The following CUX1 variants were observed in gnomAD, a reference collection of about 807,000 sequenced individuals.
The protein encoded by CUX1 is protein CASP.
Under a neutral mutation model 158.8 loss-of-function variants are expected in CUX1, and 31 were observed. That is an observed-to-expected ratio of 0.20 (90% confidence interval 0.15 to 0.26). The LOEUF (loss-of-function observed/expected upper bound fraction) is 0.26. Among genes scored for constraint, CUX1 ranks in the 10% least tolerant of loss-of-function variants. The probability of loss-of-function intolerance (pLI) is 1.00; values close to 1 mark genes in which losing one functional copy is unlikely to be tolerated. For synonymous variants in CUX1, 879 were observed against 862.1 expected (o/e 1.02, Z -0.34); for missense variants, 1,589 against 2,014.6 (o/e 0.79, Z 4.04).
Position 102,076,398 on chromosome 7 carries a change from T to TA in CUX1, c.268+5991dup, listed in dbSNP as rs144025565. On this transcript the variant is annotated intron_variant, in intron 4 of 23. Transcript: ENST00000292535. Reference sequence around the variant, plus strand: ...AGACTGTCTAAAAAATAAATAAAATTAAAAAAAAAAGACACCAAATAAGCA... The same window carrying TA: ...AGACTGTCTAAAAAATAAATAAAATTAAAAAAAAAAAGACACCAAATAAGCA... Among the ~76,000 whole-genome samples the TA allele has an allele frequency of 3.5e-3, 521 of 148,040 alleles. 6 individuals are homozygous for TA. The highest frequency in any genetic ancestry group is 7.9e-3 in the African/African-American group (318 of 40,430).
chr7:101,850,421 C>CTTTTT (rs545679696), intron 1 of CUX1, among the ~76,000 whole-genome samples: 20 of 104,618 alleles, frequency 1.9e-4, no homozygotes, highest in South Asian at 6.2e-4. Context: ...TTCTTTCTTT[C>CTTTTT]TTTTTTTTTT....
At chr7:102,125,808 TGTTTTTATTTTA>T (rs1832571329) in intron 8 of CUX1, 1 of 148,284 alleles carries the variant, frequency 6.7e-6, no homozygotes, top group Non-Finnish European at 1.5e-5. Context: ...CCAGTCCTGC[TGTTTTTATTTTA>T]TTTTATTTTA....
At chr7:102,178,719 C>A in intron 11 of CUX1, 62 bp downstream of exon 11, 4 of 1,490,864 alleles carry the variant, frequency 2.7e-6, no homozygotes, top group Admixed American at 4.0e-5. Flanking sequence ...TGGACACACG[C>A]GCACACACAC....
At chr7:101,877,264 T>C (rs2131522188) in intron 1 of CUX1, among the ~76,000 whole-genome samples, 1 of 152,378 alleles carries the variant, frequency 6.6e-6, no homozygotes, top group African/African-American at 2.4e-5. Context: ...CCCACTGTTG[T>C]TGATTTTTTG....
chr7:102,260,463 A>G (rs1447395929), downstream of CUX1, among the ~76,000 whole-genome samples: 13 of 49,396 alleles, frequency 2.6e-4, no homozygotes, highest in South Asian at 7.6e-3. Context: ...CTGGAGTGCA[A>G]TGGTACAATC....
intron 1 of CUX1, among the ~76,000 whole-genome samples, chr7:101,854,322 T>C (rs1026601457): frequency 6.6e-6 from 1 of 152,174 alleles, no homozygotes; most frequent in African/African-American, 2.4e-5. Context: ...TAACACAAGT[T>C]TGGAGTCTGT....
At chr7:101,977,531 A>G (rs1018094135) in intron 2 of CUX1, among the ~76,000 whole-genome samples, 3 of 152,132 alleles carry the variant, frequency 2.0e-5, no homozygotes, top group Non-Finnish European at 2.9e-5. Flanking sequence ...AGTCCCAGCT[A>G]TTTGGGAGGG....
At chr7:102,010,156 G>A (rs964117834) in intron 2 of CUX1, among the ~76,000 whole-genome samples, 3 of 152,114 alleles carry the variant, frequency 2.0e-5, no homozygotes, top group Admixed American at 6.6e-5. Context: ...GCACTTCGGA[G>A]GCGGGGGTGG....
chr7:102,171,835 C>T (rs1475754544), intron 10 of CUX1, among the ~76,000 whole-genome samples: 6 of 152,164 alleles, frequency 3.9e-5, no homozygotes, highest in African/African-American at 1.4e-4. Flanking sequence ...ATTAAGTGAT[C>T]ACAAGGCCGC....
intron 8 of CUX1, among the ~76,000 whole-genome samples, chr7:102,157,923 T>C (rs1364655816): frequency 6.6e-6 from 1 of 152,220 alleles, no homozygotes; most frequent in African/African-American, 2.4e-5. Context: ...CAATTGCTTT[T>C]ACGACCAGGC....
chr7:101,991,198 A>G (rs1270139475), intron 2 of CUX1, among the ~76,000 whole-genome samples: 3 of 152,156 alleles, frequency 2.0e-5, no homozygotes, highest in African/African-American at 7.2e-5. Flanking sequence ...CGTAAAAAAG[A>G]AAAAGGCTGT....
At chr7:101,949,091 G>A (rs553290800) in intron 2 of CUX1, among the ~76,000 whole-genome samples, 1 of 152,108 alleles carries the variant, frequency 6.6e-6, no homozygotes, top group Non-Finnish European at 1.5e-5. Context: ...TCTGTTGTGT[G>A]TTCTTCTCCC....
intron 20 of CUX1, among the ~76,000 whole-genome samples, chr7:102,209,188 C>G (rs1796271728): frequency 6.6e-6 from 1 of 152,192 alleles, no homozygotes; most frequent in African/African-American, 2.4e-5. Context: ...GCTCTGTTGC[C>G]TTGTCTGTCC....
intron 2 of CUX1, among the ~76,000 whole-genome samples, chr7:102,002,093 A>C (rs915623664): frequency 6.6e-6 from 1 of 152,208 alleles, no homozygotes; most frequent in African/African-American, 2.4e-5. Flanking sequence ...CAGGAGTTCT[A>C]GACCAGCCGG....
intron 14 of CUX1, chr7:102,273,325 A>C (rs1452062615): frequency 6.2e-7 from 1 of 1,601,292 alleles, no homozygotes; most frequent in Non-Finnish European, 8.5e-7. Context: ...CAAGGGTCCC[A>C]CCAGGCTCCC....
chr7:102,220,664 G>A lies in CUX1; in HGVS notation c.3131-6703G>A, dbSNP rs140906381. On this transcript the variant is annotated intron_variant, in intron 20 of 23. Coordinates refer to ENST00000292535, the MANE Select transcript of CUX1 (RefSeq NM_181552.4). ...GCCAGCCCCGGCATGCCCACACCGG[G>A]CACCTCAGAGCCTGCCGTGCATCCT... Among the ~76,000 whole-genome samples the A allele has an allele frequency of 6.6e-3, 1,009 of 152,280 alleles. 7 individuals carry two copies. The highest frequency in any genetic ancestry group is 0.023 in the African/African-American group (964 of 41,566).
At chr7:102,133,137 C>A (rs189304331) in intron 8 of CUX1, among the ~76,000 whole-genome samples, 2 of 152,276 alleles carry the variant, frequency 1.3e-5, no homozygotes, top group African/African-American at 4.8e-5. Flanking sequence ...CTCTCCGTGG[C>A]ACCCTCTCTC....
intron 1 of CUX1, among the ~76,000 whole-genome samples, chr7:101,846,726 C>T (rs1795735362): frequency 6.6e-6 from 1 of 152,150 alleles, no homozygotes; most frequent in Non-Finnish European, 1.5e-5. Context: ...CAAGGAGGTG[C>T]TAGTGGCAGC....
At chr7:102,282,779 G>A (rs782497433) in intron 22 of CUX1, 3 of 1,612,494 alleles carry the variant, frequency 1.9e-6, no homozygotes, top group Non-Finnish European at 2.5e-6. Context: ...GCCAAGAAGT[G>A]AGGACCCCCA....
Sources: gnomAD v4.1 joint callset for allele counts (sites outside exome capture counted in the v4.1 genomes callset) on GRCh38, gnomAD v4.1.1 for gene constraint, MANE v1.5 for transcripts, NCBI Gene and HGNC (gene_info 2026-07-23, HGNC 2026-07-21) for gene names.